Variants in CHRM3 observed in about 807,000 individuals in gnomAD.
CHRM3 encodes cholinergic receptor muscarinic 3.
CHRM3 carries 11 observed loss-of-function variants against 41.8 expected under a neutral mutation model. The ratio of observed to expected loss-of-function variants is 0.26; its 90% CI spans 0.17 to 0.44. The LOEUF is 0.44. Ranked by LOEUF, CHRM3 falls within the 20% of genes least tolerant of loss-of-function variation. The pLI is 1.00. For synonymous variants in CHRM3, 297 were observed against 301.4 expected, an observed-to-expected ratio of 0.99 and a Z score of 0.15; for missense variants, 571 against 745.4, an observed-to-expected ratio of 0.77 and a Z score of 2.72.
intron 5 of CHRM3, among the ~76,000 whole-genome samples, chr1:239,802,999 A>C (rs549748267): frequency 6.0e-4 from 92 of 152,348 alleles, no homozygotes; most frequent in African/African-American, 1.9e-3. Context: ...AAAATCCACT[A>C]TATGCAATCT....
chr1:239,770,748 A>T (rs1667595055), intron 5 of CHRM3, among the ~76,000 whole-genome samples: 1 of 152,182 alleles, frequency 6.6e-6, no homozygotes, highest in South Asian at 2.1e-4. Flanking sequence ...GCCTTTGTTC[A>T]TAATCATGCC....
chr1:239,493,108 A>G (rs1301442883), intron 2 of CHRM3, among the ~76,000 whole-genome samples: 1 of 152,222 alleles, frequency 6.6e-6, no homozygotes, highest in African/African-American at 2.4e-5. Context: ...TTTTTCCAGT[A>G]AGGGAAAGAT....
At chr1:239,489,320 G>A (rs1667408465) in intron 1 of CHRM3, among the ~76,000 whole-genome samples, 1 of 152,220 alleles carries the variant, frequency 6.6e-6, no homozygotes, top group East Asian at 1.9e-4. Flanking sequence ...GCTGAGGCAG[G>A]AGAATCGCTT....
chr1:239,831,585 T>C (rs1672898236), intron 6 of CHRM3, among the ~76,000 whole-genome samples: 1 of 152,210 alleles, frequency 6.6e-6, no homozygotes, highest in Non-Finnish European at 1.5e-5. Context: ...ATAGAAAGAA[T>C]ATCAAACAGA....
At chr1:239,779,958 T>A (rs1295358735) in intron 5 of CHRM3, among the ~76,000 whole-genome samples, 3 of 152,222 alleles carry the variant, frequency 2.0e-5, no homozygotes, top group South Asian at 4.1e-4. Flanking sequence ...TCAGTTCATG[T>A]CTTGATAGTG....
chr1:239,519,985 G>C (rs529667524), intron 2 of CHRM3, among the ~76,000 whole-genome samples: 1 of 152,060 alleles, frequency 6.6e-6, no homozygotes, highest in African/African-American at 2.4e-5. Flanking sequence ...CTGACCTCGT[G>C]ATCTGCTCGC....
At chr1:239,770,499 A>G (rs1390743143) in intron 5 of CHRM3, among the ~76,000 whole-genome samples, 1 of 152,208 alleles carries the variant, frequency 6.6e-6, no homozygotes, top group African/African-American at 2.4e-5. Context: ...TTCAGAAGAA[A>G]GCTAAGAGCC....
intron 6 of CHRM3, among the ~76,000 whole-genome samples, chr1:239,900,836 A>G (rs10926010): frequency 0.34 from 51,044 of 152,040 alleles, 11,663 homozygotes; most frequent in African/African-American, 0.65. Context: ...AGTGTGTATA[A>G]TATTTTTAAT....
At chr1:239,878,440 G>A (rs563752955) in intron 6 of CHRM3, among the ~76,000 whole-genome samples, 5 of 152,146 alleles carry the variant, frequency 3.3e-5, no homozygotes, top group Admixed American at 2.0e-4. Flanking sequence ...GAGAGTAATG[G>A]GGAGCAGCTG....
intron 3 of CHRM3, among the ~76,000 whole-genome samples, chr1:239,606,837 CTCT>C (rs1238927365): frequency 1.3e-5 from 2 of 152,072 alleles, no homozygotes; most frequent in African/African-American, 2.4e-5. Context: ...TCTAAATGGT[CTCT>C]TCTGTGCACC....
intron 1 of CHRM3, among the ~76,000 whole-genome samples, chr1:239,454,022 A>G (rs1040753106): frequency 1.3e-5 from 2 of 152,198 alleles, no homozygotes; most frequent in Middle Eastern, 3.2e-3. Flanking sequence ...TACCCTCAAC[A>G]CTCAACACTC....
In CHRM3 at chr1:239,870,490, A is replaced by C. The variant is rs141717686; in HGVS notation, c.-19-36943A>C. Among the ~76,000 whole-genome samples, 217 of 152,324 alleles carry C rather than the reference A, an allele frequency of 1.4e-3. 1 individual carries two copies. Among genetic ancestry groups the C allele is most frequent in the African/African-American group, 5.1e-3 (212 of 41,586 alleles). Reference sequence around the variant, plus strand: ...CCCGGGAGCGCTAGACAGGCCAGCAATCCAGACATCAAATGGATCTGCTGA... The same window carrying C: ...CCCGGGAGCGCTAGACAGGCCAGCACTCCAGACATCAAATGGATCTGCTGA... On this transcript the variant is annotated intron_variant, in intron 6 of 6. Transcript: ENST00000676153.
intron 5 of CHRM3, among the ~76,000 whole-genome samples, chr1:239,755,484 T>A (rs1033084442): frequency 1.3e-5 from 2 of 152,220 alleles, no homozygotes; most frequent in Non-Finnish European, 2.9e-5. Context: ...GAAACTTGGT[T>A]ATCTGCTTTT....
intron 5 of CHRM3, among the ~76,000 whole-genome samples, chr1:239,807,083 C>A (rs555939550): frequency 6.6e-6 from 1 of 152,154 alleles, no homozygotes; most frequent in South Asian, 2.1e-4. Context: ...CATCCAAAAG[C>A]AAAATGTGAT....
At chr1:239,428,162 A>G (rs936629053) in intron 1 of CHRM3, among the ~76,000 whole-genome samples, 2 of 152,194 alleles carry the variant, frequency 1.3e-5, no homozygotes, top group African/African-American at 2.4e-5. Context: ...GTCAACTTCA[A>G]GCCACCATGA....
At chr1:239,751,019 A>G (rs894289790) in intron 5 of CHRM3, among the ~76,000 whole-genome samples, 3 of 152,080 alleles carry the variant, frequency 2.0e-5, no homozygotes, top group African/African-American at 7.2e-5. Flanking sequence ...CCTGAGCTCC[A>G]GAGTTTGAGA....
chr1:239,637,782 A>T (rs1670644227), intron 4 of CHRM3, among the ~76,000 whole-genome samples: 2 of 137,594 alleles, frequency 1.5e-5, no homozygotes, highest in African/African-American at 5.4e-5. Context: ...TATTATTATT[A>T]TACTTTAAGT....
intron 3 of CHRM3, among the ~76,000 whole-genome samples, chr1:239,625,036 G>C (rs1668882315): frequency 1.7e-5 from 1 of 60,186 alleles, no homozygotes; most frequent in African/African-American, 8.9e-5. Flanking sequence ...ATTCTGTGAA[G>C]AAAGTCATTG....
At chr1:239,761,668 C>T (rs565565722) in intron 5 of CHRM3, among the ~76,000 whole-genome samples, 3 of 152,280 alleles carry the variant, frequency 2.0e-5, no homozygotes, top group South Asian at 2.1e-4. Flanking sequence ...GCCTCATGCG[C>T]TAGGGGGCCT....
Sources: gnomAD v4.1 joint callset for allele counts (sites outside exome capture counted in the v4.1 genomes callset) on GRCh38, gnomAD v4.1.1 for gene constraint, MANE v1.5 for transcripts, NCBI Gene and HGNC (gene_info 2026-07-23, HGNC 2026-07-21) for gene names.